The following SGCD variants were observed in gnomAD, a reference collection of about 807,000 sequenced individuals.
The protein encoded by SGCD is sarcoglycan delta.
Under a neutral mutation model 36.6 loss-of-function variants are expected in SGCD, and 18 were observed. That is an observed-to-expected ratio of 0.49 (90% confidence interval 0.34 to 0.73). The LOEUF (loss-of-function observed/expected upper bound fraction) is 0.73. SGCD is among the 30% of genes least tolerant of loss of function. SGCD has a pLI of 0.01. For missense variants in SGCD, 387 were observed against 346.7 expected (o/e 1.12, Z -0.92); for synonymous variants, 133 against 130.6 (o/e 1.02, Z -0.12).
chr5:156,540,708 A>G (rs950172164), intron 4 of SGCD, among the ~76,000 whole-genome samples: 4 of 152,122 alleles, frequency 2.6e-5, no homozygotes, highest in Non-Finnish European at 5.9e-5. Context: ...AATCCTAATG[A>G]GCCACGTTCC....
intron 1 of SGCD, among the ~76,000 whole-genome samples, chr5:156,073,247 C>G (rs1760642978): frequency 1.3e-5 from 2 of 152,018 alleles, no homozygotes; most frequent in African/African-American, 4.8e-5. Context: ...TGTATCTTAC[C>G]TGATTTCCCC....
chr5:156,201,272 T>C (rs1968433), intron 3 of SGCD, among the ~76,000 whole-genome samples: 37,802 of 152,154 alleles, frequency 0.25, 5,961 homozygotes, highest in Non-Finnish European at 0.34. Flanking sequence ...AATGGTATAA[T>C]GGAGCATGAC....
At chr5:156,175,548 T>C (rs1763445615) in intron 3 of SGCD, among the ~76,000 whole-genome samples, 1 of 152,192 alleles carries the variant, frequency 6.6e-6, no homozygotes, top group African/African-American at 2.4e-5. Context: ...TTGCAAAGAA[T>C]ATTATGCAAA....
At chr5:156,244,974 T>G (rs894612270) in intron 3 of SGCD, among the ~76,000 whole-genome samples, 1 of 152,170 alleles carries the variant, frequency 6.6e-6, no homozygotes, top group Non-Finnish European at 1.5e-5. Flanking sequence ...TCAGTGTTCA[T>G]CTCTACACAG....
At chr5:155,764,819 A>G in the SGCD span, among the ~76,000 whole-genome samples, 320 of 152,286 alleles carry the variant, frequency 2.1e-3, 3 homozygotes, top group Middle Eastern at 6.8e-3. Context: ...TGCTAAGACC[A>G]TGATAAGATC....
At chr5:156,262,643 A>G (rs76993578) in intron 3 of SGCD, among the ~76,000 whole-genome samples, 564 of 152,198 alleles carry the variant, frequency 3.7e-3, no homozygotes, top group Admixed American at 7.6e-3. Context: ...TCACCTGGAC[A>G]GTATACACTG....
the SGCD span, among the ~76,000 whole-genome samples, chr5:155,812,717 C>T: frequency 6.6e-6 from 1 of 152,168 alleles, no homozygotes; most frequent in African/African-American, 2.4e-5. Context: ...GTCCAATCGC[C>T]AATGCAGATT....
At chr5:156,438,455 G>T (rs2127793626) in intron 3 of SGCD, among the ~76,000 whole-genome samples, 1 of 152,216 alleles carries the variant, frequency 6.6e-6, no homozygotes, top group South Asian at 2.1e-4. Flanking sequence ...TTTTCAAAAG[G>T]TTGTTTTTTT....
chr5:156,714,461 T>C (rs1228125692), intron 7 of SGCD, among the ~76,000 whole-genome samples: 1 of 152,228 alleles, frequency 6.6e-6, no homozygotes, highest in Non-Finnish European at 1.5e-5. Flanking sequence ...CTGTTGGCTA[T>C]GAGATCAATA....
intron 3 of SGCD, among the ~76,000 whole-genome samples, chr5:156,306,745 C>G (rs186784184): frequency 6.6e-6 from 1 of 152,194 alleles, no homozygotes; most frequent in Non-Finnish European, 1.5e-5. Context: ...GGTGAAGATG[C>G]TCTCTTGTGT....
chr5:156,274,180 G>A (rs113281451), intron 3 of SGCD, among the ~76,000 whole-genome samples: 2,656 of 152,176 alleles, frequency 0.017, 31 homozygotes, highest in Non-Finnish European at 0.028. Flanking sequence ...TAAGGTACTT[G>A]CTTCAAAAAC....
chr5:156,583,135 G>A (rs1158530642), intron 4 of SGCD, among the ~76,000 whole-genome samples: 2 of 152,124 alleles, frequency 1.3e-5, no homozygotes, highest in African/African-American at 2.4e-5. Flanking sequence ...AGTATACAGT[G>A]GAAGGCACAG....
the SGCD span, among the ~76,000 whole-genome samples, chr5:155,761,577 GTCATCCTCTCCA>G: frequency 1.0e-5 from 1 of 98,638 alleles, no homozygotes; most frequent in Non-Finnish European, 2.0e-5. Context: ...CAACTTCTCC[GTCATCCTCTCCA>G]TCATCTCCAT....
the SGCD span, among the ~76,000 whole-genome samples, chr5:155,775,786 G>C: frequency 1.3e-5 from 2 of 152,132 alleles, no homozygotes; most frequent in Non-Finnish European, 2.9e-5. Context: ...AACAGTGGTA[G>C]ACAGGGAGAG....
intron 2 of SGCD, among the ~76,000 whole-genome samples, chr5:156,336,852 T>A (rs1277405929): frequency 5.3e-5 from 8 of 152,236 alleles, no homozygotes; most frequent in Admixed American, 1.3e-4. Context: ...TTTTCAACAC[T>A]TTGGTATTAC....
chr5:156,167,683 T>C (rs923582776), intron 3 of SGCD, among the ~76,000 whole-genome samples: 1 of 152,176 alleles, frequency 6.6e-6, no homozygotes, highest in African/African-American at 2.4e-5. Flanking sequence ...GTGATACGCC[T>C]GCTCCCTCTT....
chr5:156,518,304 T>C (rs1160097534), intron 4 of SGCD, among the ~76,000 whole-genome samples: 1 of 152,144 alleles, frequency 6.6e-6, no homozygotes, highest in Non-Finnish European at 1.5e-5. Flanking sequence ...TAAATATATA[T>C]GCACCCAAAT....
chr5:155,846,262 C>T, the SGCD span, among the ~76,000 whole-genome samples: 78 of 152,284 alleles, frequency 5.1e-4, no homozygotes, highest in African/African-American at 1.8e-3. Flanking sequence ...TTTAAGTTAG[C>T]ATACAAATTA....
At chr5:156,078,130 C>G (rs1162745709) in intron 1 of SGCD, among the ~76,000 whole-genome samples, 1 of 152,086 alleles carries the variant, frequency 6.6e-6, no homozygotes, top group Non-Finnish European at 1.5e-5. Context: ...CTGGCCTTAT[C>G]TCTCTTGGAG....
Sources: gnomAD v4.1 joint callset for allele counts (sites outside exome capture counted in the v4.1 genomes callset) on GRCh38, gnomAD v4.1.1 for gene constraint, MANE v1.5 for transcripts, NCBI Gene and HGNC (gene_info 2026-07-23, HGNC 2026-07-21) for gene names.